Variants in SLC2A13 observed in about 807,000 individuals in gnomAD.
The protein encoded by SLC2A13 is proton myo-inositol cotransporter.
In SLC2A13, 32 loss-of-function variants were observed where a neutral mutation model predicts 64.4. The observed-to-expected ratio is 0.50, with a 90% CI of 0.37 to 0.67. SLC2A13 has a LOEUF of 0.67. Ranked by LOEUF, SLC2A13 falls within the 30% of genes least tolerant of loss-of-function variation. SLC2A13 has a pLI of 0.00. For synonymous variants in SLC2A13, 338 were observed against 327.1 expected (o/e 1.03, Z -0.36); for missense variants, 743 against 829.2 (o/e 0.90, Z 1.28).
intron 4 of SLC2A13, among the ~76,000 whole-genome samples, chr12:39,902,248 A>C (rs1945144693): frequency 6.6e-6 from 1 of 151,468 alleles, no homozygotes; most frequent in African/African-American, 2.4e-5. Flanking sequence ...CTAAATGACG[A>C]ATTAATGGGT....
chr12:40,071,153 GCTCT>G (rs1443472792), intron 1 of SLC2A13, among the ~76,000 whole-genome samples: 8 of 152,202 alleles, frequency 5.3e-5, no homozygotes, highest in Middle Eastern at 3.4e-3. Context: ...CCATTTTTGG[GCTCT>G]CTGTCTCACT....
intron 4 of SLC2A13, 140 bp from the exon 5 acceptor site, chr12:39,872,101 T>G (rs1944071958): frequency 3.3e-6 from 2 of 609,762 alleles, no homozygotes; most frequent in East Asian, 6.6e-5. Flanking sequence ...TGGGAATTCA[T>G]GCAAGCTGTT....
intron 2 of SLC2A13, among the ~76,000 whole-genome samples, chr12:40,036,053 C>A (rs992501348): frequency 1.3e-5 from 2 of 152,152 alleles, no homozygotes; most frequent in African/African-American, 4.8e-5. Context: ...ATGAAAAGCT[C>A]TGAGCTAGGG....
At chr12:39,954,528 G>C (rs1231094405) in intron 3 of SLC2A13, among the ~76,000 whole-genome samples, 1 of 152,120 alleles carries the variant, frequency 6.6e-6, no homozygotes, top group Non-Finnish European at 1.5e-5. Flanking sequence ...CTGTTCCTAC[G>C]AACCAGAGTG....
At chr12:39,829,307 T>G (rs1175009996) in intron 7 of SLC2A13, 1 of 151,550 alleles carries the variant, frequency 6.6e-6, no homozygotes, top group Admixed American at 6.6e-5. Flanking sequence ...TTATCCTTAT[T>G]TTGCTTAATT....
At chr12:39,877,230 G>A (rs1346141587) in intron 4 of SLC2A13, among the ~76,000 whole-genome samples, 1 of 152,182 alleles carries the variant, frequency 6.6e-6, no homozygotes, top group East Asian at 1.9e-4. Context: ...AATGGACTCA[G>A]AGTTCCACAT....
At chr12:40,018,004 A>G (rs1217588933) in intron 3 of SLC2A13, among the ~76,000 whole-genome samples, 1 of 151,862 alleles carries the variant, frequency 6.6e-6, no homozygotes, top group African/African-American at 2.4e-5. Context: ...GAAAGAAAGA[A>G]AAAAGAAAGG....
intron 1 of SLC2A13, among the ~76,000 whole-genome samples, chr12:40,095,636 A>G (rs958308026): frequency 6.6e-6 from 1 of 152,248 alleles, no homozygotes; most frequent in Non-Finnish European, 1.5e-5. Context: ...AATACTTTTA[A>G]ACAAAATGAG....
chr12:40,050,924 T>C (rs1248394119), intron 1 of SLC2A13, among the ~76,000 whole-genome samples: 1 of 152,180 alleles, frequency 6.6e-6, no homozygotes, highest in East Asian at 1.9e-4. Context: ...GAGGATTCAA[T>C]GAGTTAAGTA....
intron 4 of SLC2A13, among the ~76,000 whole-genome samples, chr12:39,926,235 T>C (rs907644292): frequency 2.0e-5 from 3 of 152,132 alleles, no homozygotes; most frequent in African/African-American, 4.8e-5. Flanking sequence ...ATAATTATAA[T>C]ATCTTATAAA....
chr12:39,909,998 A>C (rs941896360), intron 4 of SLC2A13, among the ~76,000 whole-genome samples: 1 of 151,880 alleles, frequency 6.6e-6, no homozygotes, highest in African/African-American at 2.4e-5. Context: ...TATCTTTTTT[A>C]AAAAAGTACT....
intron 1 of SLC2A13, among the ~76,000 whole-genome samples, chr12:40,079,225 C>T (rs1205112565): frequency 6.6e-6 from 1 of 152,146 alleles, no homozygotes; most frequent in Non-Finnish European, 1.5e-5. Flanking sequence ...GGTTGTTAAT[C>T]TGAGCTCTAA....
intron 7 of SLC2A13, 180 bp downstream of exon 7, chr12:39,829,923 T>G (rs1466589082): frequency 1.3e-6 from 1 of 779,002 alleles, no homozygotes; most frequent in East Asian, 2.8e-5. Flanking sequence ...CTTTCTACTC[T>G]GTGTGAAACA....
chr12:39,803,954 T>TA (rs963916280), intron 7 of SLC2A13, among the ~76,000 whole-genome samples: 10 of 151,648 alleles, frequency 6.6e-5, no homozygotes, highest in East Asian at 1.9e-4. Flanking sequence ...GCTACAGAAT[T>TA]AAAAAAACAA....
At chr12:39,950,702 C>T (rs1946211389) in intron 4 of SLC2A13, 2 of 152,266 alleles carry the variant, frequency 1.3e-5, no homozygotes, top group Admixed American at 1.3e-4. Context: ...CCACCCTCAG[C>T]ACACATACAG....
intron 1 of SLC2A13, among the ~76,000 whole-genome samples, chr12:40,077,070 T>G (rs1020230605): frequency 2.0e-5 from 3 of 152,202 alleles, no homozygotes; most frequent in Non-Finnish European, 4.4e-5. Flanking sequence ...GTTGGATGCA[T>G]AGTTTGCAAA....
At chr12:39,837,582 A>T (rs1943047893) in intron 6 of SLC2A13, among the ~76,000 whole-genome samples, 1 of 147,104 alleles carries the variant, frequency 6.8e-6, no homozygotes, top group Non-Finnish European at 1.5e-5. Flanking sequence ...AATTTTCACA[A>T]CCTACTCATC....
intron 4 of SLC2A13, among the ~76,000 whole-genome samples, chr12:39,896,229 C>CATATGTGTATATATGTATACATGTATGT (rs1565527502): frequency 7.9e-6 from 1 of 126,434 alleles, no homozygotes; most frequent in African/African-American, 3.0e-5. Flanking sequence ...TACATATATG[C>CATATGTGTATATATGTATACATGTATGT]ATATGTGTAT....
At chr12:40,082,768 G>A (rs1166234950) in intron 1 of SLC2A13, among the ~76,000 whole-genome samples, 1 of 152,170 alleles carries the variant, frequency 6.6e-6, no homozygotes, top group African/African-American at 2.4e-5. Flanking sequence ...AATATCCATA[G>A]GGGTTATGGG....
Sources: gnomAD v4.1 joint callset for allele counts (sites outside exome capture counted in the v4.1 genomes callset) on GRCh38, gnomAD v4.1.1 for gene constraint, MANE v1.5 for transcripts, NCBI Gene and HGNC (gene_info 2026-07-23, HGNC 2026-07-21) for gene names.